ADAM22: variants seen among roughly 807,000 people sequenced by gnomAD.
The protein encoded by ADAM22 is ADAM metallopeptidase domain 22.
A neutral mutation model predicts 144.6 loss-of-function variants in ADAM22; 65 were observed. That is an observed-to-expected ratio of 0.45 (90% CI 0.37 to 0.55). The LOEUF is 0.55. Among genes scored for constraint, ADAM22 ranks in the 20% least tolerant of loss-of-function variants. The pLI, the probability that ADAM22 is intolerant of heterozygous loss-of-function variation, is 0.00. For synonymous variants in ADAM22, 391 were observed against 412.6 expected (o/e 0.95, Z 0.63); for missense variants, 974 against 1,184.9 (o/e 0.82, Z 2.61).
At chr7:87,948,256 G>A (rs1450975631) in intron 2 of ADAM22, among the ~76,000 whole-genome samples, 3 of 152,182 alleles carry the variant, frequency 2.0e-5, no homozygotes, top group East Asian at 1.9e-4. Context: ...TTTACATTCA[G>A]TGTTGGGAAC....
At chr7:88,024,624 A>G (rs931969088) in intron 3 of ADAM22, among the ~76,000 whole-genome samples, 5 of 152,012 alleles carry the variant, frequency 3.3e-5, no homozygotes, top group African/African-American at 1.2e-4. Flanking sequence ...ATATGTATAC[A>G]TACGCCATGT....
At chr7:88,075,336 T>C (rs1289136731) in intron 3 of ADAM22, among the ~76,000 whole-genome samples, 2 of 152,194 alleles carry the variant, frequency 1.3e-5, no homozygotes, top group African/African-American at 4.8e-5. Flanking sequence ...AAAATAATGA[T>C]GTGCTTACGG....
intron 3 of ADAM22, among the ~76,000 whole-genome samples, chr7:88,072,946 C>A (rs185485493): frequency 6.6e-6 from 1 of 152,136 alleles, no homozygotes; most frequent in Non-Finnish European, 1.5e-5. Context: ...TATAATTTTA[C>A]GTTTTTGTTA....
chr7:88,065,978 G>T (rs780196653), intron 3 of ADAM22, among the ~76,000 whole-genome samples: 2 of 151,956 alleles, frequency 1.3e-5, no homozygotes, highest in Non-Finnish European at 2.9e-5. Flanking sequence ...CCTATATTTA[G>T]AGTTATTTTT....
chr7:88,136,248 G>A (rs73204108), intron 14 of ADAM22, among the ~76,000 whole-genome samples: 10,519 of 152,032 alleles, frequency 0.069, 549 homozygotes, highest in East Asian at 0.22. Context: ...GGCTATAAAC[G>A]TAAGAAATGA....
chr7:88,027,943 A>G (rs1799400803), intron 3 of ADAM22, among the ~76,000 whole-genome samples: 2 of 151,894 alleles, frequency 1.3e-5, no homozygotes, highest in Admixed American at 6.6e-5. Context: ...GGCATGTGCC[A>G]CCACATCCGG....
chr7:87,963,950 T>C (rs566470122), intron 2 of ADAM22, among the ~76,000 whole-genome samples: 1 of 152,354 alleles, frequency 6.6e-6, no homozygotes, highest in South Asian at 2.1e-4. Flanking sequence ...TGTGAGGCTG[T>C]AAAACTAATT....
chr7:88,009,606 A>G (rs200285129), intron 3 of ADAM22, among the ~76,000 whole-genome samples: 1 of 110,636 alleles, frequency 9.0e-6, no homozygotes, highest in African/African-American at 3.3e-5. Context: ...TAATAAAAAA[A>G]AGTGCATTTA....
chr7:87,963,314 C>G (rs115478390), intron 2 of ADAM22, among the ~76,000 whole-genome samples: 5,757 of 152,136 alleles, frequency 0.038, 383 homozygotes, highest in African/African-American at 0.13. Flanking sequence ...GGGGGAAGTT[C>G]GGAGCGACAA....
intron 3 of ADAM22, among the ~76,000 whole-genome samples, chr7:88,003,535 A>AT (rs1471337419): frequency 2.0e-5 from 3 of 151,750 alleles, no homozygotes; most frequent in Admixed American, 6.6e-5. Flanking sequence ...ATCACACTGA[A>AT]TTTTTTTTCA....
intron 4 of ADAM22, among the ~76,000 whole-genome samples, chr7:88,083,587 T>TTGTGTGTGTGTGTG (rs35145003): frequency 1.9e-4 from 24 of 126,742 alleles, no homozygotes; most frequent in African/African-American, 6.3e-4. Flanking sequence ...TACTTTGTGT[T>TTGTGTGTGTGTGTG]TGTGTGTGTG....
chr7:88,186,648 T>C lies in ADAM22; in HGVS notation c.2697T>C (p.Asn899=), dbSNP rs773834201. The C allele has an allele frequency of 3.1e-6, 5 of 1,612,412 alleles. No individual in the cohort carries two copies. In the East Asian group the frequency reaches 6.7e-5, roughly 22 times the overall value. Residue 899 remains asparagine (N), a synonymous_variant, in exon 30 of 32, where the codon AAT becomes AAC. Coordinates refer to ENST00000413139, the MANE Select transcript of ADAM22 (RefSeq NM_001324418.2). ...YLNPWFKRDY[N]VAKWVEDVNK... is the part of the protein sequence containing the mutation. ...ACCCATGGTTCAAAAGAGACTATAA[T>C]GTAGCTAAGTGGGTAGAAGATGTGA... is the stretch of plus-strand genomic sequence containing the variant.
intron 3 of ADAM22, among the ~76,000 whole-genome samples, chr7:88,030,619 C>T (rs1331332069): frequency 2.0e-5 from 3 of 152,014 alleles, no homozygotes; most frequent in South Asian, 4.2e-4. Flanking sequence ...TAGCATCATC[C>T]ACCTAGTGCT....
chr7:87,974,754 A>G (rs899545216), intron 2 of ADAM22, among the ~76,000 whole-genome samples: 1 of 152,214 alleles, frequency 6.6e-6, no homozygotes, highest in Non-Finnish European at 1.5e-5. Context: ...AGAAGCCTGA[A>G]ATAGGTCTTA....
rs555853113 is a variant in ADAM22 at position 88,138,510 on chromosome 7, A to G, written c.1220+2479A>G. ...TTGATTGCACCAAATATCACCAAAC[A>G]GCAGTAATTATGGACATTTGTTCCC... On this transcript the variant is annotated intron_variant, in intron 14 of 31. Coordinates refer to ENST00000413139, the MANE Select transcript of ADAM22 (RefSeq NM_001324418.2). Among the ~76,000 whole-genome samples the G allele has an allele frequency of 1.3e-3, 204 of 152,360 alleles. 1 individual carries two copies. The highest frequency in any genetic ancestry group is 2.5e-3 in the Non-Finnish European group (168 of 68,038).
intron 26 of ADAM22, among the ~76,000 whole-genome samples, chr7:88,178,602 C>T (rs1053552816): frequency 2.6e-5 from 4 of 151,610 alleles, no homozygotes; most frequent in African/African-American, 4.8e-5. Context: ...AACACACCTT[C>T]GACATATTTT....
intron 3 of ADAM22, among the ~76,000 whole-genome samples, chr7:88,026,696 C>T (rs758486363): frequency 1.3e-5 from 2 of 152,058 alleles, no homozygotes; most frequent in Non-Finnish European, 2.9e-5. Flanking sequence ...TCTCCCTTTC[C>T]AATTTGGTTG....
chr7:88,118,254 T>G (rs950500918), intron 7 of ADAM22, among the ~76,000 whole-genome samples: 1 of 152,330 alleles, frequency 6.6e-6, no homozygotes, highest in East Asian at 1.9e-4. Flanking sequence ...AAATGTTTCC[T>G]AATGTTCCTT....
chr7:88,074,552 A>G (rs886379042), intron 3 of ADAM22, among the ~76,000 whole-genome samples: 1 of 152,236 alleles, frequency 6.6e-6, no homozygotes, highest in African/African-American at 2.4e-5. Flanking sequence ...ATTGTTTAAT[A>G]TACTTTTTGT....
Sources: gnomAD v4.1 joint callset for allele counts (sites outside exome capture counted in the v4.1 genomes callset) on GRCh38, gnomAD v4.1.1 for gene constraint, MANE v1.5 for transcripts, NCBI Gene and HGNC (gene_info 2026-07-23, HGNC 2026-07-21) for gene names.